Variants in ZNF718 observed in about 807,000 individuals in gnomAD.
ZNF718 encodes the protein zinc finger protein 718.
ZNF718 carries 3 observed loss-of-function variants against 2.6 expected under a neutral mutation model. The observed-to-expected ratio is 1.16, with a 90% confidence interval of 0.53 to 3.01. The LOEUF (loss-of-function observed/expected upper bound fraction) is 3.01. ZNF718 is among the 30% of genes most tolerant of loss of function. The pLI, the probability that ZNF718 is intolerant of heterozygous loss-of-function variation, is 0.03. For missense variants in ZNF718, 468 were observed against 230.0 expected, an observed-to-expected ratio of 2.03 and a Z score of -6.69; for synonymous variants, 135 against 77.9, an observed-to-expected ratio of 1.73 and a Z score of -3.86.
intron 3 of ZNF718, chr4:150,113 CT>C (rs1716250735): frequency 6.6e-6 from 1 of 150,424 alleles, no homozygotes; most frequent in Non-Finnish European, 1.5e-5. Flanking sequence ...TCATTAATGT[CT>C]GTTTCTGTTT....
chr4:149,027 G>C (rs1716197792), intron 3 of ZNF718, among the ~76,000 whole-genome samples: 1 of 152,140 alleles, frequency 6.6e-6, no homozygotes, highest in African/African-American at 2.4e-5. Context: ...GGATTTCTAA[G>C]TTTTCATAAA....
At chr4:170,419 C>A (rs1308840415) in intron 3 of ZNF718, among the ~76,000 whole-genome samples, 1 of 152,154 alleles carries the variant, frequency 6.6e-6, no homozygotes, top group Non-Finnish European at 1.5e-5. Flanking sequence ...GGGAAGTTCT[C>A]CTGGATAATA....
intron 3 of ZNF718, among the ~76,000 whole-genome samples, chr4:187,824 G>T (rs1717599551): frequency 6.6e-6 from 1 of 152,284 alleles, no homozygotes; most frequent in East Asian, 1.9e-4. Context: ...GCTCTCCAAG[G>T]CCCACAGGCT....
chr4:160,053 G>C (rs1235656687), intron 3 of ZNF718, among the ~76,000 whole-genome samples: 31 of 152,116 alleles, frequency 2.0e-4, no homozygotes, highest in Admixed American at 2.0e-3. Context: ...CTAATCACTT[G>C]CTCTACCTGT....
chr4:160,514 A>G (rs1180664490), intron 3 of ZNF718, among the ~76,000 whole-genome samples: 5 of 152,118 alleles, frequency 3.3e-5, no homozygotes, highest in Non-Finnish European at 7.4e-5. Context: ...TAGATTTGTA[A>G]TTGTATTAGA....
chr4:173,987 T>TC lies in ZNF718; in HGVS notation c.227-27093dup, dbSNP rs1158193312. Among the ~76,000 whole-genome samples the TC allele has an allele frequency of 1.4e-4, 21 of 152,168 alleles. No homozygotes were observed. The East Asian group carries it at 3.9e-3, about 28-fold the overall frequency. ...AAACACAATTTGTGGGTAATAAACA[T>TC]CGTAGGCCCCCAAGTAGAGAGCAGT... On this transcript the variant is annotated intron_variant and NMD_transcript_variant, in intron 3 of 4. Coordinates refer to the ZNF718 transcript ENST00000642529.
intron 3 of ZNF718, among the ~76,000 whole-genome samples, chr4:170,705 C>G (rs1050975687): frequency 6.6e-6 from 1 of 152,074 alleles, no homozygotes; most frequent in African/African-American, 2.4e-5. Context: ...CCATCAGGTC[C>G]CTTAAGGACT....
intron 3 of ZNF718, among the ~76,000 whole-genome samples, chr4:143,980 T>G (rs1418667351): frequency 1.3e-5 from 2 of 152,090 alleles, no homozygotes; most frequent in African/African-American, 2.4e-5. Context: ...AGGAAAACGG[T>G]CTGGAGGCAG....
chr4:179,843 C>G (rs1377517032), intron 3 of ZNF718, among the ~76,000 whole-genome samples: 1 of 152,104 alleles, frequency 6.6e-6, no homozygotes, highest in Non-Finnish European at 1.5e-5. Context: ...TATTTTAATT[C>G]ACTTTATTGA....
chr4:192,259 A>G (rs1369288298), intron 3 of ZNF718, among the ~76,000 whole-genome samples: 1 of 152,306 alleles, frequency 6.6e-6, no homozygotes. Context: ...GCTCCCATAC[A>G]GTGGGAGGGG....
chr4:185,655 C>T (rs1553820384), intron 3 of ZNF718, among the ~76,000 whole-genome samples: 1 of 152,108 alleles, frequency 6.6e-6, no homozygotes, highest in African/African-American at 2.4e-5. Context: ...TTGCTAAGAA[C>T]TTACTTTATG....
intron 3 of ZNF718, among the ~76,000 whole-genome samples, chr4:134,184 T>C (rs1399799296): frequency 2.0e-5 from 3 of 152,204 alleles, no homozygotes; most frequent in African/African-American, 7.2e-5. Flanking sequence ...AGTCTCGCTG[T>C]CACCCAGGCT....
intron 3 of ZNF718, among the ~76,000 whole-genome samples, chr4:188,888 G>A (rs1717626281): frequency 6.6e-6 from 1 of 151,736 alleles, no homozygotes; most frequent in Admixed American, 6.6e-5. Flanking sequence ...GTTTGGTTAT[G>A]ATAACATTTT....
chr4:197,345 TAAGA>T (rs1553822196), intron 3 of ZNF718, among the ~76,000 whole-genome samples: 1 of 152,084 alleles, frequency 6.6e-6, no homozygotes, highest in Non-Finnish European at 1.5e-5. Flanking sequence ...AAGATGGGGC[TAAGA>T]AAGACAAAGA....
Position 163,893 on chromosome 4 carries a change from A to G in ZNF718, c.*1771A>G, listed in dbSNP as rs374843141. 4.0e-5 allele frequency: 6 copies of G among 151,766 alleles called. No individual in the cohort carries two copies. The highest frequency in any genetic ancestry group is 3.9e-4 in the East Asian group (2 of 5,192). 9.4% of individuals were successfully genotyped at this position (151,766 alleles called of 1,614,324 possible). A position where few individuals can be genotyped will look rare whatever the true frequency, so the allele number is the denominator to read the frequency against. On this transcript the variant is annotated 3_prime_UTR_variant, in exon 4 of 4. Transcript: ENST00000510175. ...TATTTTTAAAAATTTATGTGGGTAC[A>G]TGGTATGTGTATACATTCATGGCAT...
rs1278236564 is a variant in ZNF718 at position 127,190 on chromosome 4, G to T, written c.3+2517G>T. On this transcript the variant is annotated intron_variant, in intron 1 of 3. Coordinates refer to ENST00000510175, the MANE Select transcript of ZNF718 (RefSeq NM_001039127.6). ...AAGTACTGGACGTTATATACAAAGT[G>T]CCCACCAGGCTTCACTTGAGAGAAA... Among the ~76,000 whole-genome samples, 5 of 75,276 alleles carry T rather than the reference G, an allele frequency of 6.6e-5. 2 individuals carry two copies. In the East Asian group the frequency reaches 3.9e-3, roughly 59 times the overall value. 49.4% of individuals were successfully genotyped at this position (75,276 alleles called of 152,430 possible). A position where few individuals can be genotyped will look rare whatever the true frequency, so the allele number is the denominator to read the frequency against.
intron 3 of ZNF718, among the ~76,000 whole-genome samples, chr4:133,554 CA>C (rs1553808731): frequency 6.6e-6 from 1 of 152,178 alleles, no homozygotes; most frequent in African/African-American, 2.4e-5. Flanking sequence ...CACACACATA[CA>C]CATACCTATA....
intron 3 of ZNF718, among the ~76,000 whole-genome samples, chr4:182,975 T>G (rs1717497938): frequency 6.6e-6 from 1 of 152,174 alleles, no homozygotes; most frequent in Non-Finnish European, 1.5e-5. Context: ...TGACAGTTTC[T>G]TTTTCTGTGC....
chr4:182,419 T>G (rs77293200), intron 3 of ZNF718, among the ~76,000 whole-genome samples: 7 of 85,138 alleles, frequency 8.2e-5, no homozygotes, highest in South Asian at 5.8e-4. Context: ...TATTTATTTA[T>G]TTATTTATTT....
Sources: allele counts gnomAD v4.1 joint callset (sites outside exome capture counted in the v4.1 genomes callset), GRCh38; gene constraint gnomAD v4.1.1; transcripts MANE v1.5; gene names NCBI Gene and HGNC (gene_info 2026-07-23, HGNC 2026-07-21).